SVIL: variants seen among roughly 807,000 people sequenced by gnomAD.
The protein encoded by SVIL is supervillin, also known as archvillin.
A neutral mutation model predicts 240.4 loss-of-function variants in SVIL; 101 were observed. The observed-to-expected ratio is 0.42, with a 90% CI of 0.36 to 0.50. The LOEUF is 0.50. Ranked by LOEUF, SVIL falls within the 20% of genes least tolerant of loss-of-function variation. The pLI, the probability that SVIL is intolerant of heterozygous loss-of-function variation, is 0.01. For missense variants in SVIL, 2,512 were observed against 2,818.7 expected (o/e 0.89, Z 2.46); for synonymous variants, 999 against 1,100.0 (o/e 0.91, Z 1.82).
Position 29,735,260 on chromosome 10 carries a change from G to A in SVIL, c.-400+491C>T, listed in dbSNP as rs976442175. Among the ~76,000 whole-genome samples, 23 of 152,162 alleles carry A rather than the reference G, an allele frequency of 1.5e-4. No individual in the cohort carries two copies. Among genetic ancestry groups the A allele is most frequent in the African/African-American group, 5.5e-4 (23 of 41,528 alleles). ...CGCCGGTCTGGGACCCCGGGCTGGG[G>A]CGCGGGAGCCACCGCAGCTCCGGCC... On this transcript the variant is annotated intron_variant, in intron 1 of 35. Transcript: ENST00000375400. This position sits in a 1 kb window ranked among gnomAD's most constrained non-coding sequence, Gnocchi z 4.1.
chr10:29,677,344 C>G (rs1169710271), intron 2 of SVIL, among the ~76,000 whole-genome samples: 1 of 152,158 alleles, frequency 6.6e-6, no homozygotes, highest in Non-Finnish European at 1.5e-5. Context: ...TATCCCCAAA[C>G]CAAAGAAAAA....
In SVIL at chr10:29,457,948, C is replaced by T; in HGVS notation, c.*299G>A. ...TCAAAAAAAAAAAAAAAAGGCATTG[C>T]CTAGCTGGAACAAGAAGGCAGTGCT... On this transcript the variant is annotated 3_prime_UTR_variant, in exon 38 of 38. Coordinates refer to ENST00000355867, the MANE Select transcript of SVIL (RefSeq NM_021738.3). 4.7e-6 allele frequency: 1 copy of T among 212,746 alleles called. No homozygotes were observed. The highest frequency in any genetic ancestry group is 9.1e-6 in the Non-Finnish European group (1 of 109,736). The allele number at this position is 212,746 out of a possible 1,614,324, so 13.2% of individuals were successfully genotyped here. A position where few individuals can be genotyped will look rare whatever the true frequency, so the allele number is the denominator to read the frequency against.
chr10:29,601,803 GC>G (rs1290085262), intron 1 of SVIL, among the ~76,000 whole-genome samples: 2 of 152,216 alleles, frequency 1.3e-5, no homozygotes, highest in Non-Finnish European at 2.9e-5. Context: ...TCCGCACCAT[GC>G]AGGCTTCTGA....
At chr10:29,730,077 C>A (rs1235047141) in intron 1 of SVIL, among the ~76,000 whole-genome samples, 1 of 151,830 alleles carries the variant, frequency 6.6e-6, no homozygotes. Flanking sequence ...ACTTGGGAGG[C>A]TGAGGAGGGA....
chr10:29,703,437 C>T (rs891924642), intron 1 of SVIL, among the ~76,000 whole-genome samples: 1 of 152,212 alleles, frequency 6.6e-6, no homozygotes, highest in Non-Finnish European at 1.5e-5. Flanking sequence ...ACCCCAAATG[C>T]ATCACTCTTT....
intron 1 of SVIL, among the ~76,000 whole-genome samples, chr10:29,709,223 T>G (rs1011026467): frequency 6.6e-6 from 1 of 152,214 alleles, no homozygotes; most frequent in African/African-American, 2.4e-5. Flanking sequence ...TCTGGAATAC[T>G]TACATTGTAC....
intron 3 of SVIL, among the ~76,000 whole-genome samples, chr10:29,562,769 GAAAAAA>G (rs34507610): frequency 0.035 from 4,057 of 115,538 alleles, 62 homozygotes; most frequent in Admixed American, 0.079. Context: ...TCAAAAAAAA[GAAAAAA>G]AAAAAAAAAA....
chr10:29,522,591 C>T lies in SVIL; in HGVS notation c.3208G>A (p.Ala1070Thr). The T allele has an allele frequency of 6.2e-7, 1 of 1,614,210 alleles. No homozygotes were observed. Among genetic ancestry groups the T allele is most frequent in the Non-Finnish European group, 8.5e-7 (1 of 1,180,042 alleles). Residue 1070 changes from alanine (A) to threonine (T), a missense_variant, in exon 16 of 38, where the codon GCT becomes ACT. By Grantham distance (58) the Ala-to-Thr change is moderately conservative. This residue lies in a region of SVIL where 1,443 missense variants were observed against 1,486.6 expected (regional missense o/e 0.97). Transcript: ENST00000355867. Reference sequence around the variant, plus strand: ...GTGGTTTGAGCAATAGTTTTCCCAGCAGCTGTCCCCGTCTGCTCGGAAGTG... The same window carrying T: ...GTGGTTTGAGCAATAGTTTTCCCAGTAGCTGTCCCCGTCTGCTCGGAAGTG... The part of the protein sequence containing the change: ...EPTSEQTGTA[A>T]GKTIAQTTAP...
intron 26 of SVIL, among the ~76,000 whole-genome samples, chr10:29,485,226 G>A (rs3858231): frequency 2.0e-5 from 3 of 150,836 alleles, no homozygotes; most frequent in African/African-American, 2.5e-5. Flanking sequence ...TTCATATACC[G>A]CAGGCACTCA....
chr10:29,634,097 C>T (rs1958217744), intron 1 of SVIL, among the ~76,000 whole-genome samples: 1 of 151,948 alleles, frequency 6.6e-6, no homozygotes, highest in African/African-American at 2.4e-5. Context: ...TACTTTAATT[C>T]CAAGACTTTA....
intron 2 of SVIL, among the ~76,000 whole-genome samples, chr10:29,676,835 C>G (rs1281903560): frequency 6.6e-6 from 1 of 152,186 alleles, no homozygotes; most frequent in African/African-American, 2.4e-5. Context: ...ATTTTCCACC[C>G]CTCTTTTCCT....
intron 16 of SVIL, among the ~76,000 whole-genome samples, chr10:29,520,052 C>CA (rs1950463083): frequency 6.6e-6 from 1 of 152,004 alleles, no homozygotes; most frequent in South Asian, 2.1e-4. Context: ...TAAAATTTAC[C>CA]AAAAAACAGG....
At chr10:29,616,880 G>A (rs1005519474) in intron 1 of SVIL, among the ~76,000 whole-genome samples, 1 of 152,164 alleles carries the variant, frequency 6.6e-6, no homozygotes, top group Non-Finnish European at 1.5e-5. Context: ...ACGCCACGAA[G>A]CATGGCTAAT....
intron 24 of SVIL, among the ~76,000 whole-genome samples, 154 bp from the exon 25 acceptor site, chr10:29,486,711 G>T (rs1947434550): frequency 6.6e-6 from 1 of 152,204 alleles, no homozygotes; most frequent in Non-Finnish European, 1.5e-5. Context: ...TATTTTCAAT[G>T]ACCTCAAGAA....
At chr10:29,725,028 C>CAAAGAAAAAAAAAAAAAAAAAA (rs1964211130) in intron 1 of SVIL, among the ~76,000 whole-genome samples, 1 of 40,922 alleles carries the variant, frequency 2.4e-5, no homozygotes, top group East Asian at 9.9e-4. Flanking sequence ...GACCCGGTCT[C>CAAAGAAAAAAAAAAAAAAAAAA]AAAAAAAAAA....
chr10:29,509,906 T>C (rs1250027500), intron 17 of SVIL, among the ~76,000 whole-genome samples: 1 of 152,134 alleles, frequency 6.6e-6, no homozygotes, highest in Non-Finnish European at 1.5e-5. Flanking sequence ...CCCAAAATTG[T>C]TTTTGTTTTT....
chr10:29,572,853 T>A (rs1955507734), intron 1 of SVIL, among the ~76,000 whole-genome samples: 1 of 151,136 alleles, frequency 6.6e-6, no homozygotes, highest in African/African-American at 2.4e-5. Context: ...TGATAAATAA[T>A]CCTTTATAAA....
At chr10:29,545,457 A>G (rs1261347409) in intron 6 of SVIL, among the ~76,000 whole-genome samples, 1 of 152,084 alleles carries the variant, frequency 6.6e-6, no homozygotes, top group Admixed American at 6.5e-5. Flanking sequence ...TCTCACTACT[A>G]AGGACACAAT....
At chr10:29,636,374 G>T (rs1958311659), upstream of SVIL, among the ~76,000 whole-genome samples, 1 of 152,154 alleles carries the variant, frequency 6.6e-6, no homozygotes, top group Non-Finnish European at 1.5e-5. Flanking sequence ...GATAGGAGGA[G>T]AAAATGAATC....
Sources: gnomAD v4.1 joint callset for allele counts (sites outside exome capture counted in the v4.1 genomes callset) on GRCh38, gnomAD v4.1.1 for gene constraint, gnomAD v4.1.1 regional missense constraint, Gnocchi (gnomAD v3.1) non-coding constraint, MANE v1.5 for transcripts, NCBI Gene and HGNC (gene_info 2026-07-23, HGNC 2026-07-21) for gene names.